Variants in SGCZ observed in about 807,000 individuals in gnomAD.
The protein encoded by SGCZ is zeta-sarcoglycan.
A neutral mutation model predicts 41.3 loss-of-function variants in SGCZ; 40 were observed. The observed-to-expected ratio is 0.97, with a 90% confidence interval of 0.75 to 1.26. SGCZ has a LOEUF of 1.26. Ranked by LOEUF, SGCZ falls within the 50% of genes most tolerant of loss-of-function variation. The pLI, the probability that SGCZ is intolerant of heterozygous loss-of-function variation, is 0.00. For missense variants in SGCZ, 552 were observed against 369.8 expected (o/e 1.49, Z -4.04); for synonymous variants, 206 against 137.5 (o/e 1.50, Z -3.49).
At chr8:14,810,578 G>C (rs545586941) in intron 1 of SGCZ, among the ~76,000 whole-genome samples, 1 of 151,982 alleles carries the variant, frequency 6.6e-6, no homozygotes, top group Admixed American at 6.6e-5. Context: ...AAAAATCCAA[G>C]GTATCAAAGG....
chr8:14,420,235 A>C (rs984196855), intron 2 of SGCZ, among the ~76,000 whole-genome samples: 33 of 152,016 alleles, frequency 2.2e-4, no homozygotes, highest in African/African-American at 7.7e-4. Context: ...TGTTTGTTTT[A>C]ATGATTCTCC....
intron 1 of SGCZ, among the ~76,000 whole-genome samples, chr8:14,867,754 G>A (rs1803986974): frequency 6.6e-6 from 1 of 152,010 alleles, no homozygotes; most frequent in Non-Finnish European, 1.5e-5. Flanking sequence ...CACACACTGG[G>A]GCCTCTTGGA....
chr8:14,345,642 T>C (rs1157716271), intron 2 of SGCZ, among the ~76,000 whole-genome samples: 4 of 152,080 alleles, frequency 2.6e-5, no homozygotes, highest in African/African-American at 9.7e-5. Flanking sequence ...TTTCCCAGCT[T>C]TCCCAGAAGT....
At chr8:14,863,833 C>G (rs183196768) in intron 1 of SGCZ, among the ~76,000 whole-genome samples, 2 of 152,186 alleles carry the variant, frequency 1.3e-5, no homozygotes, top group East Asian at 3.9e-4. Context: ...TGGAAATACA[C>G]TAATATACTC....
At chr8:14,608,907 T>C (rs1805840939) in intron 1 of SGCZ, among the ~76,000 whole-genome samples, 1 of 152,162 alleles carries the variant, frequency 6.6e-6, no homozygotes, top group South Asian at 2.1e-4. Context: ...TATGTAATAA[T>C]AGGCTTCTTA....
At chr8:14,824,804 A>C (rs780029966) in intron 1 of SGCZ, among the ~76,000 whole-genome samples, 18 of 152,130 alleles carry the variant, frequency 1.2e-4, no homozygotes, top group Admixed American at 5.9e-4. Context: ...GCGATGTAGT[A>C]TAGAAATCCT....
chr8:14,384,977 C>G (rs577487098), intron 2 of SGCZ, among the ~76,000 whole-genome samples: 2 of 152,298 alleles, frequency 1.3e-5, no homozygotes, highest in African/African-American at 2.4e-5. Flanking sequence ...TTTATAAAGA[C>G]TCCTGAATCT....
At chr8:14,481,654 G>GT (rs532858269) in intron 2 of SGCZ, among the ~76,000 whole-genome samples, 2 of 151,974 alleles carry the variant, frequency 1.3e-5, no homozygotes, top group Admixed American at 6.6e-5. Flanking sequence ...GTGGAAGGGA[G>GT]TTTTTTTATT....
At chr8:14,166,076 A>T (rs1804200417) in intron 4 of SGCZ, among the ~76,000 whole-genome samples, 1 of 152,150 alleles carries the variant, frequency 6.6e-6, no homozygotes, top group Non-Finnish European at 1.5e-5. Context: ...TAATATTCTG[A>T]AACTACATAC....
intron 5 of SGCZ, among the ~76,000 whole-genome samples, chr8:14,164,272 ATT>A (rs1804137788): frequency 6.6e-6 from 1 of 151,978 alleles, no homozygotes; most frequent in Admixed American, 6.6e-5. Context: ...CCAAATTATT[ATT>A]TGTTAGTCCC....
chr8:14,780,332 G>A lies in SGCZ; in HGVS notation c.40-225406C>T, dbSNP rs529408525. On this transcript the variant is annotated intron_variant, in intron 1 of 7. Coordinates refer to ENST00000382080, the MANE Select transcript of SGCZ (RefSeq NM_139167.4). Reference sequence around the variant, plus strand: ...AGAGCTTGCAGTGAGCTGAGATTGCGCCATTGCACTCCAGCCTGGGCCACA... The same window carrying A: ...AGAGCTTGCAGTGAGCTGAGATTGCACCATTGCACTCCAGCCTGGGCCACA... Among the ~76,000 whole-genome samples the A allele has an allele frequency of 2.6e-3, 377 of 145,538 alleles. 4 individuals carry two copies. The highest frequency in any genetic ancestry group is 3.7e-3 in the Middle Eastern group (1 of 268).
intron 2 of SGCZ, among the ~76,000 whole-genome samples, chr8:14,395,369 AG>A (rs1172310398): frequency 2.0e-5 from 3 of 152,198 alleles, no homozygotes; most frequent in Admixed American, 1.3e-4. Context: ...AGTTAGCAGA[AG>A]AAAAAACATG....
rs999409609 is a variant in SGCZ, at chr8:14,240,350, A to T, written c.337-2671T>A. Among the ~76,000 whole-genome samples the T allele has an allele frequency of 1.3e-4, 17 of 129,394 alleles. 1 individual carries two copies. The highest frequency in any genetic ancestry group is 1.1e-3 in the East Asian group (5 of 4,388). 84.9% of individuals were successfully genotyped at this position (129,394 alleles called of 152,430 possible). On this transcript the variant is annotated intron_variant, in intron 3 of 7. Coordinates refer to ENST00000382080, the MANE Select transcript of SGCZ (RefSeq NM_139167.4). Reference sequence around the variant, plus strand: ...GTCAAAAAAAAAAAAAAAAAAAAAAAAAAAAGAACTGAAAGTTTAAAAGTT... The same window carrying T: ...GTCAAAAAAAAAAAAAAAAAAAAAATAAAAAGAACTGAAAGTTTAAAAGTT...
At chr8:14,774,066 G>A (rs1443008714) in intron 1 of SGCZ, among the ~76,000 whole-genome samples, 2 of 152,072 alleles carry the variant, frequency 1.3e-5, no homozygotes, top group Non-Finnish European at 1.5e-5. Context: ...TTTTTGCACG[G>A]GTGTTTTTCG....
chr8:14,329,227 T>A (rs1280387293), intron 2 of SGCZ, among the ~76,000 whole-genome samples: 14 of 152,180 alleles, frequency 9.2e-5, no homozygotes, highest in Non-Finnish European at 1.8e-4. Context: ...TTTTATTTAT[T>A]AACTGTTGAC....
intron 1 of SGCZ, among the ~76,000 whole-genome samples, chr8:14,626,286 T>C (rs932630659): frequency 2.0e-5 from 3 of 152,080 alleles, no homozygotes; most frequent in Non-Finnish European, 2.9e-5. Context: ...ACATCAGCTA[T>C]TTGTCCTGAC....
At chr8:14,103,910 G>C (rs1440856854) in intron 6 of SGCZ, among the ~76,000 whole-genome samples, 3 of 152,090 alleles carry the variant, frequency 2.0e-5, no homozygotes, top group Non-Finnish European at 4.4e-5. Flanking sequence ...AAATTTGAAT[G>C]TTAAAATGTA....
At chr8:15,211,025 A>G (rs1176844038) in intron 1 of SGCZ, among the ~76,000 whole-genome samples, 8 of 102,738 alleles carry the variant, frequency 7.8e-5, no homozygotes, top group African/African-American at 2.5e-4. Context: ...ATATAGATAT[A>G]TACATATATA....
At chr8:14,586,002 TG>T (rs1446158238) in intron 1 of SGCZ, among the ~76,000 whole-genome samples, 22 of 152,124 alleles carry the variant, frequency 1.4e-4, no homozygotes, top group Middle Eastern at 3.4e-3. Context: ...TAAAAAAGAA[TG>T]GGGGCAATCA....
Sources: gnomAD v4.1 joint callset for allele counts (sites outside exome capture counted in the v4.1 genomes callset) on GRCh38, gnomAD v4.1.1 for gene constraint, MANE v1.5 for transcripts, NCBI Gene and HGNC (gene_info 2026-07-23, HGNC 2026-07-21) for gene names.